Variants in KCTD3 observed in about 807,000 individuals in gnomAD.
KCTD3 encodes BTB/POZ domain-containing protein KCTD3.
A neutral mutation model predicts 85.8 loss-of-function variants in KCTD3; 41 were observed. The observed-to-expected ratio is 0.48, with a 90% confidence interval of 0.37 to 0.62. The LOEUF is 0.62. Among genes scored for constraint, KCTD3 ranks in the 20% least tolerant of loss-of-function variants. The pLI is 0.00. For missense variants in KCTD3, 724 were observed against 989.9 expected, an observed-to-expected ratio of 0.73 and a Z score of 3.60; for synonymous variants, 338 against 345.4, an observed-to-expected ratio of 0.98 and a Z score of 0.24.
At chr1:215,588,261 A>G (rs1033803185) in intron 9 of KCTD3, among the ~76,000 whole-genome samples, 1 of 152,130 alleles carries the variant, frequency 6.6e-6, no homozygotes, top group Non-Finnish European at 1.5e-5. Context: ...TTTCCTTGAC[A>G]TAGCCATAGT....
Position 215,620,525 on chromosome 1 carries a change from C to T in KCTD3, c.2355C>T (p.Asp785=). 6.2e-7 allele frequency: 1 copy of T among 1,613,750 alleles called. No homozygotes were observed. ...CAAGTACTTCCGATGGAGGAACTGA[C>T]TCACCTGGTACTGCGTCCCCATCTC... The part of the protein sequence containing the change: ...SSPSTSDGGT[D]SPGTASPSPT... The change falls in exon 18 of 18, where the codon GAC becomes GAT. Residue 785 remains aspartate, a synonymous_variant. Coordinates refer to ENST00000259154, the MANE Select transcript of KCTD3 (RefSeq NM_016121.5).
At position 215,595,522 on chromosome 1, in the gene KCTD3, G is replaced by C. The variant is rs745549946; in HGVS notation, c.933+51G>C. 6 of 1,093,892 alleles carry C rather than the reference G, an allele frequency of 5.5e-6. No individual in the cohort carries two copies. The South Asian group carries it at 8.1e-5, about 15-fold the overall frequency. 67.8% of individuals were successfully genotyped at this position (1,093,892 alleles called of 1,614,324 possible). On this transcript the variant is annotated intron_variant, in intron 10 of 17. Transcript: ENST00000259154. ...TGAAAATATTTCTGAAATGTATGCT[G>C]ATTATGTATTTTTTTTTTCCTTGTA... is the stretch of plus-strand genomic sequence containing the variant.
rs555282755 is a variant in KCTD3 at position 215,607,262 on chromosome 1, T to A, written c.1310-755T>A. On this transcript the variant is annotated intron_variant, in intron 13 of 17. Coordinates refer to ENST00000259154, the MANE Select transcript of KCTD3 (RefSeq NM_016121.5). ...GCTAATAATAACATATTTTCTAAAATCATAAATGGCAAAATCAGTATATTT... is the reference window on the plus strand; with the variant it reads ...GCTAATAATAACATATTTTCTAAAAACATAAATGGCAAAATCAGTATATTT... Among the ~76,000 whole-genome samples the A allele has an allele frequency of 4.7e-4, 71 of 152,010 alleles. 2 individuals are homozygous for A. The South Asian group carries it at 0.012, about 26-fold the overall frequency.
chr1:215,572,640 A>G (rs2102552214), intron 1 of KCTD3, among the ~76,000 whole-genome samples: 1 of 152,314 alleles, frequency 6.6e-6, no homozygotes, highest in Admixed American at 6.5e-5. Flanking sequence ...CACGTTTTTG[A>G]TAATTCCAGG....
In KCTD3 at chr1:215,576,332, G is replaced by A. The variant is rs529597253; in HGVS notation, c.257+358G>A. 2.6e-5 allele frequency among the ~76,000 whole-genome samples: 4 copies of A among 151,580 alleles called. No individual in the cohort carries two copies. In the East Asian group the frequency reaches 7.8e-4, roughly 30 times the overall value. ...AGTCTCCCCGCCTTAGCCTCCCAAA[G>A]TGCAGGGATTACAGGAATGAGCCAC... On this transcript the variant is annotated intron_variant, in intron 4 of 17. Transcript: ENST00000259154.
chr1:215,610,125 A>C (rs1363011109), intron 14 of KCTD3, among the ~76,000 whole-genome samples: 3 of 151,956 alleles, frequency 2.0e-5, no homozygotes, highest in African/African-American at 7.2e-5. Context: ...ACAAATGGAC[A>C]TACAGATTAG....
intron 10 of KCTD3, among the ~76,000 whole-genome samples, chr1:215,596,464 A>G (rs1342918389): frequency 6.6e-6 from 1 of 152,178 alleles, no homozygotes; most frequent in Non-Finnish European, 1.5e-5. Flanking sequence ...ATAGAAAGAA[A>G]CAAAAGTCAA....
At chr1:215,573,550 G>C (rs1290507004) in intron 1 of KCTD3, among the ~76,000 whole-genome samples, 2 of 152,184 alleles carry the variant, frequency 1.3e-5, no homozygotes, top group African/African-American at 4.8e-5. Context: ...AGTGTTTTAA[G>C]ATGCATTATA....
At chr1:215,589,724 A>G (rs1660143607) in intron 9 of KCTD3, among the ~76,000 whole-genome samples, 1 of 152,184 alleles carries the variant, frequency 6.6e-6, no homozygotes, top group Non-Finnish European at 1.5e-5. Context: ...GCTTTTTATT[A>G]AGCATAATGC....
rs1268053734 is a variant in KCTD3 at position 215,619,264 on chromosome 1, A to G, written c.1859A>G (p.His620Arg). The G allele has an allele frequency of 1.2e-6, 2 of 1,613,838 alleles. No individual in the cohort carries two copies. Among genetic ancestry groups the G allele is most frequent in the Non-Finnish European group, 1.7e-6 (2 of 1,179,768 alleles). Residue 620 changes from histidine to arginine, a missense_variant, in exon 17 of 18, where the codon CAT (histidine) becomes CGT (arginine). By Grantham distance (29) the His-to-Arg change is conservative (BLOSUM62 0). Coordinates refer to ENST00000259154, the MANE Select transcript of KCTD3 (RefSeq NM_016121.5). ...NISPATSVVQHSHLRESNSSL... is the reference protein window; with the variant it reads ...NISPATSVVQRSHLRESNSSL... ...AGTCCAGCAACTTCCGTAGTTCAGC[A>G]TAGCCACTTACGAGAATCAAATTCT... is the stretch of plus-strand genomic sequence containing the variant.
At chr1:215,601,165 GACC>G (rs1193276322) in intron 10 of KCTD3, among the ~76,000 whole-genome samples, 5 of 152,164 alleles carry the variant, frequency 3.3e-5, no homozygotes, top group African/African-American at 1.2e-4. Context: ...TCGAATTCCT[GACC>G]TCTGGTGATC....
chr1:215,611,795 AT>A, intron 14 of KCTD3, 29 bp from the exon 15 acceptor site: 1 of 1,403,100 alleles, frequency 7.1e-7, no homozygotes, highest in Non-Finnish European at 9.9e-7. Context: ...ATTTTAATTA[AT>A]TTTTTGACAT....
At chr1:215,618,740 A>T (rs1009535881) in intron 15 of KCTD3, 146 bp from the exon 16 acceptor site, 1 of 637,440 alleles carries the variant, frequency 1.6e-6, no homozygotes, top group African/African-American at 1.9e-5. Context: ...GATTTTAAAG[A>T]TTTACACATA....
At chr1:215,577,861 G>C (rs151156017) in intron 5 of KCTD3, 133 bp downstream of exon 5, 14 of 1,376,288 alleles carry the variant, frequency 1.0e-5, no homozygotes. Context: ...GATTTTCATA[G>C]TAAAAAGATG....
At chr1:215,570,522 A>G (rs1659319831) in intron 1 of KCTD3, among the ~76,000 whole-genome samples, 1 of 152,198 alleles carries the variant, frequency 6.6e-6, no homozygotes, top group African/African-American at 2.4e-5. Flanking sequence ...TGAGTCAGGT[A>G]TATGTTTCCA....
chr1:215,592,364 A>AT (rs372740101), intron 9 of KCTD3, among the ~76,000 whole-genome samples: 86 of 144,700 alleles, frequency 5.9e-4, no homozygotes, highest in Non-Finnish European at 4.6e-4. Flanking sequence ...TATTTTGTCC[A>AT]TTTTTTTTTT....
chr1:215,569,531 T>C (rs1428390442), intron 1 of KCTD3, among the ~76,000 whole-genome samples: 2 of 152,108 alleles, frequency 1.3e-5, no homozygotes, highest in Non-Finnish European at 2.9e-5. Flanking sequence ...TGAACTCTTA[T>C]TAGAGACTGC....
At chr1:215,572,543 C>T (rs1333632739) in intron 1 of KCTD3, among the ~76,000 whole-genome samples, 1 of 151,928 alleles carries the variant, frequency 6.6e-6, no homozygotes, top group Non-Finnish European at 1.5e-5. Flanking sequence ...ATTTAATAGC[C>T]CACTTAGAAG....
At chr1:215,574,172 G>A (rs1166423523) in intron 3 of KCTD3, 54 bp downstream of exon 3, 1 of 1,051,148 alleles carries the variant, frequency 9.5e-7, no homozygotes, top group Admixed American at 1.9e-5. Context: ...ATAGTGCTTG[G>A]TCCTAACATA....
Sources: allele counts gnomAD v4.1 joint callset (sites outside exome capture counted in the v4.1 genomes callset), GRCh38; gene constraint gnomAD v4.1.1; transcripts MANE v1.5; gene names NCBI Gene and HGNC (gene_info 2026-07-23, HGNC 2026-07-21).